Variants in ODAD1 observed in about 807,000 individuals in gnomAD.
ODAD1 encodes the protein outer dynein arm-docking complex subunit 1.
Under a neutral mutation model 67.2 loss-of-function variants are expected in ODAD1, and 49 were observed. The ratio of observed to expected loss-of-function variants is 0.73; its 90% CI spans 0.58 to 0.92. The LOEUF (loss-of-function observed/expected upper bound fraction) is 0.92, where lower values mean the gene tolerates loss of function less well. Among genes scored for constraint, ODAD1 ranks in the 40% least tolerant of loss-of-function variants. The pLI is 0.00. For missense variants in ODAD1, 897 were observed against 953.7 expected (o/e 0.94, Z 0.78); for synonymous variants, 345 against 393.7 (o/e 0.88, Z 1.46).
intron 7 of ODAD1, among the ~76,000 whole-genome samples, chr19:48,308,239 A>T (rs1447724602): frequency 1.3e-5 from 2 of 152,048 alleles, no homozygotes; most frequent in African/African-American, 4.8e-5. Context: ...CAATGGCACA[A>T]TCTTGGCTCA....
rs545277638 is a variant in ODAD1 at position 48,319,491 on chromosome 19, C to T, written c.71-679G>A. The T allele has an allele frequency of 2.1e-3, 1,984 of 958,410 alleles. 2 individuals carry two copies. The highest frequency in any genetic ancestry group is 2.3e-3 in the Non-Finnish European group (1,861 of 805,316). The allele number at this position is 958,410 out of a possible 1,614,324, so 59.4% of individuals were successfully genotyped here. On this transcript the variant is annotated intron_variant, in intron 3 of 15. Coordinates refer to ENST00000674294, the MANE Select transcript of ODAD1 (RefSeq NM_001364171.2). Reference sequence around the variant, plus strand: ...CAAAGGCCCAGTAGTTTTCAATCAGCGGGTGATTCTGCCTTCCAAAAACAT... The same window carrying T: ...CAAAGGCCCAGTAGTTTTCAATCAGTGGGTGATTCTGCCTTCCAAAAACAT...
At chr19:48,313,887 CAAAACAAAACA>C (rs949903340) in intron 5 of ODAD1, among the ~76,000 whole-genome samples, 1 of 144,440 alleles carries the variant, frequency 6.9e-6, no homozygotes, top group African/African-American at 2.7e-5. Flanking sequence ...TGTCTCAAAA[CAAAACAAAACA>C]AAAAAGGAAA....
chr19:48,298,424 C>T, intron 12 of ODAD1, 84 bp from the exon 13 acceptor site: 12 of 1,401,996 alleles, frequency 8.6e-6, no homozygotes, highest in East Asian at 2.3e-5. Flanking sequence ...CTCACTGCCC[C>T]ATTCTACAGA....
At chr19:48,309,620 G>C (rs553333901) in intron 7 of ODAD1, among the ~76,000 whole-genome samples, 20 of 152,306 alleles carry the variant, frequency 1.3e-4, no homozygotes, top group African/African-American at 4.8e-4. Flanking sequence ...CACAGTACAA[G>C]AACTCGGGCA....
intron 10 of ODAD1, 140 bp from the exon 11 acceptor site, chr19:48,303,235 G>A (rs532793404): frequency 2.9e-5 from 20 of 693,980 alleles, no homozygotes; most frequent in East Asian, 1.8e-4. Flanking sequence ...GCAGAGAGAC[G>A]AACAGAGAGG....
chr19:48,306,314 G>C lies in ODAD1; in HGVS notation c.607C>G (p.His203Asp). Residue 203 changes from histidine (H) to aspartate (D), a missense_variant, in exon 8 of 16, where the codon CAC becomes GAC. His to Asp is a moderately conservative substitution (Grantham distance 81). Transcript: ENST00000674294. Reference sequence around the variant, plus strand: ...AGGGTGCTGACCAGGTGATGCAGGTGGTGGATCTCCTGTGGGGGGAGGAGA... The same window carrying C: ...AGGGTGCTGACCAGGTGATGCAGGTCGTGGATCTCCTGTGGGGGGAGGAGA... ...VDRKLKKEIH[H>D]LHHLVSTLIL... The C allele has an allele frequency of 6.4e-7, 1 of 1,551,338 alleles. No individual in the cohort carries two copies. The highest frequency in any genetic ancestry group is 8.7e-7 in the Non-Finnish European group (1 of 1,146,770).
Position 48,296,882 on chromosome 19 carries a change from A to G in ODAD1, c.*94T>C. 6.9e-7 allele frequency: 1 copy of G among 1,441,486 alleles called. No homozygotes were observed. The highest frequency in any genetic ancestry group is 9.1e-7 in the Non-Finnish European group (1 of 1,103,758). 89.3% of individuals were successfully genotyped at this position (1,441,486 alleles called of 1,614,324 possible). ...ACAGAGGCCTGCCACTGGGAGAAAA[A>G]GACAGAGACCCACAAGGCAAACAGG... On this transcript the variant is annotated 3_prime_UTR_variant, in exon 16 of 16. Transcript: ENST00000674294.
rs1021130093 is a variant in ODAD1, at chr19:48,313,441, A to C, written c.361-1325T>G. 1.1e-4 allele frequency among the ~76,000 whole-genome samples: 11 copies of C among 98,750 alleles called. No homozygotes were observed. The East Asian group carries it at 1.8e-3, about 16-fold the overall frequency. 64.8% of individuals were successfully genotyped at this position (98,750 alleles called of 152,430 possible). ...GACTCCATCTCAAAAAAAAAAAAAA[A>C]AAAAACCAAAAAAAAACCTCACATG... On this transcript the variant is annotated intron_variant, in intron 5 of 15. Transcript: ENST00000674294.
Position 48,302,735 on chromosome 19 carries a change from C to T in ODAD1, c.1199G>A (p.Arg400His), listed in dbSNP as rs757102955. 16 of 1,612,886 alleles carry T rather than the reference C, an allele frequency of 9.9e-6. No homozygotes were observed. The highest frequency in any genetic ancestry group is 8.8e-5 in the South Asian group (8 of 91,080). Reference sequence around the variant, plus strand: ...CAGCTGTCCCCGCACATCCTGGAAGCGGGCCTCAAGGCGCTCAGCCTCCGA... The same window carrying T: ...CAGCTGTCCCCGCACATCCTGGAAGTGGGCCTCAAGGCGCTCAGCCTCCGA... ...VHSEAERLEA[R>H]FQDVRGQLEK... The change falls in exon 12 of 16, where the codon CGC (arginine) becomes CAC (histidine). Residue 400 changes from arginine (R) to histidine (H), a missense_variant. By Grantham distance (29) the Arg-to-His change is conservative. Transcript: ENST00000674294.
At position 48,317,440 on chromosome 19, in the gene ODAD1, G is replaced by A. The variant is rs185111768; in HGVS notation, c.360+947C>T. On this transcript the variant is annotated intron_variant, in intron 5 of 15. Transcript: ENST00000674294. Reference sequence around the variant, plus strand: ...CTGTCTAGACTGTGGCATTACCACCGTCCTTGTTTGCAGATGAAGAAACTA... The same window carrying A: ...CTGTCTAGACTGTGGCATTACCACCATCCTTGTTTGCAGATGAAGAAACTA... 1.1e-3 allele frequency among the ~76,000 whole-genome samples: 168 copies of A among 152,162 alleles called. 1 individual carries two copies. Among genetic ancestry groups the A allele is most frequent in the African/African-American group, 3.7e-3 (154 of 41,488 alleles).
At chr19:48,302,600 G>A (rs1220732015) in intron 12 of ODAD1, 94 bp downstream of exon 12, 1 of 1,009,004 alleles carries the variant, frequency 9.9e-7, no homozygotes, top group East Asian at 2.4e-5. Context: ...AAGTGAACCA[G>A]GTTGTCCATG....
At chr19:48,299,805 T>A (rs10424516) in intron 12 of ODAD1, among the ~76,000 whole-genome samples, 26,954 of 148,868 alleles carry the variant, frequency 0.18, 2,510 homozygotes, top group Middle Eastern at 0.24. Flanking sequence ...TCTCAAATTT[T>A]AAAAAATAAT....
chr19:48,303,720 G>A lies in ODAD1; in HGVS notation c.918C>T (p.Asp306=), dbSNP rs2242463. The change falls in exon 10 of 16, where the codon GAC becomes GAT. Residue 306 remains aspartate (D), a synonymous_variant. Transcript: ENST00000674294. The stretch of plus-strand genomic sequence containing the variant: ...TCAGCTGGGACAGTTTATTCAGGGC[G>A]TCCTCGTAGCAAAGCACCAGCCTCT... The part of the protein sequence containing the change: ...SQERLVLCYE[D]ALNKLSQLMG... 0.19 allele frequency: 300,551 copies of A among 1,613,800 alleles called. 29,201 individuals carry two copies. Among genetic ancestry groups the A allele is most frequent in the Non-Finnish European group, 0.19 (228,150 of 1,179,820 alleles).
intron 5 of ODAD1, among the ~76,000 whole-genome samples, chr19:48,315,068 T>C (rs953934763): frequency 2.0e-5 from 3 of 152,134 alleles, no homozygotes; most frequent in Non-Finnish European, 4.4e-5. Context: ...AAATTTTCTT[T>C]CTTTCTTTTA....
chr19:48,297,274 A>T lies in ODAD1; in HGVS notation c.1826T>A (p.Leu609Ter), dbSNP rs755564329. 14 of 1,613,890 alleles carry T rather than the reference A, an allele frequency of 8.7e-6. No individual in the cohort carries two copies. The East Asian group carries it at 3.1e-4, about 36-fold the overall frequency. The change falls in exon 16 of 16, where the codon TTG becomes TAG. Residue 609 changes from leucine (L) to a stop codon, truncating the protein, a stop_gained. Transcript: ENST00000674294. LOFTEE classifies it low-confidence loss of function (END_TRUNC). ...FGGLSSSTGHLPSHITHGDPN... is the reference protein window; with the variant it reads ...FGGLSSSTGH ...GTCACCGTGCGTGATGTGGCTGGGC[A>T]AATGCCCAGTGCTGGAGCTGAGGCC...
intron 5 of ODAD1, 61 bp downstream of exon 5, chr19:48,318,326 T>C: frequency 1.4e-6 from 2 of 1,417,682 alleles, no homozygotes; most frequent in East Asian, 2.5e-5. Flanking sequence ...AAGCTAAGGC[T>C]CAGGGAGGTT....
At position 48,297,215 on chromosome 19, in the gene ODAD1, T is replaced by C. The variant is rs1282098902; in HGVS notation, c.1885A>G (p.Ser629Gly). The C allele has an allele frequency of 6.2e-7, 1 of 1,613,988 alleles. No individual in the cohort carries two copies. Among genetic ancestry groups the C allele is most frequent in the Non-Finnish European group, 8.5e-7 (1 of 1,180,002 alleles). The change falls in exon 16 of 16, where the codon AGT becomes GGT. Residue 629 changes from serine to glycine, a missense_variant. Ser to Gly is a moderately conservative substitution (Grantham distance 56, BLOSUM62 0). Coordinates refer to ENST00000674294, the MANE Select transcript of ODAD1 (RefSeq NM_001364171.2). The stretch of plus-strand genomic sequence containing the variant: ...GTCACGTGGCCCCCACTCGAGGCAC[T>C]GGTGGAGCCGAAGGTCACGTGGCCA... ...NTGHVTFGST[S>G]ASSGGHVTFR...
chr19:48,311,913 A>G (rs1968773859), intron 6 of ODAD1, 81 bp downstream of exon 6: 2 of 1,346,270 alleles, frequency 1.5e-6, no homozygotes. Context: ...ACTGCCCAGC[A>G]TTTCCAGAAT....
intron 1 of ODAD1, 32 bp downstream of exon 1, chr19:48,321,646 T>C: frequency 2.6e-6 from 1 of 381,744 alleles, no homozygotes; most frequent in Non-Finnish European, 4.6e-6. Context: ...GAAATGGTCC[T>C]GGGGAGGTCG....
Sources: allele counts gnomAD v4.1 joint callset (sites outside exome capture counted in the v4.1 genomes callset), GRCh38; gene constraint gnomAD v4.1.1; transcripts MANE v1.5; gene names NCBI Gene and HGNC (gene_info 2026-07-23, HGNC 2026-07-21).